Variants in NGEF observed in about 807,000 individuals in gnomAD.
NGEF encodes the protein ephexin-1.
Under a neutral mutation model 80.9 loss-of-function variants are expected in NGEF, and 31 were observed. That is an observed-to-expected ratio of 0.38 (90% CI 0.29 to 0.52). The LOEUF is 0.52. Among genes scored for constraint, NGEF ranks in the 20% least tolerant of loss-of-function variants. The pLI, the probability that NGEF is intolerant of heterozygous loss-of-function variation, is 0.84. For synonymous variants in NGEF, 371 were observed against 370.2 expected (o/e 1.00, Z -0.03); for missense variants, 709 against 926.2 (o/e 0.77, Z 3.04).
intron 4 of NGEF, among the ~76,000 whole-genome samples, chr2:232,926,196 T>G (rs1159159613): frequency 1.3e-5 from 2 of 152,218 alleles, no homozygotes; most frequent in African/African-American, 4.8e-5. Context: ...GAATTTTTAT[T>G]TAACAGATAG....
chr2:233,002,371 T>C (rs1327082420), intron 1 of NGEF, among the ~76,000 whole-genome samples: 2 of 152,112 alleles, frequency 1.3e-5, no homozygotes, highest in African/African-American at 4.8e-5. Flanking sequence ...AGGCAGTACA[T>C]GGACATGTTA....
chr2:232,900,136 TCACA>T lies in NGEF; in HGVS notation c.829-5224_829-5221del, dbSNP rs61725832. Among the ~76,000 whole-genome samples, 527 of 78,818 alleles carry T rather than the reference TCACA, an allele frequency of 6.7e-3. 43 individuals are homozygous for T. The highest frequency in any genetic ancestry group is 0.037 in the Admixed American group (299 of 8,044). 51.7% of individuals were successfully genotyped at this position (78,818 alleles called of 152,430 possible). A position where few individuals can be genotyped will look rare whatever the true frequency, so the allele number is the denominator to read the frequency against. ...CTCATATACACGTTCACTCACATTC[TCACA>T]CACACACGCTCACAGTCACTCATAT... On this transcript the variant is annotated intron_variant, in intron 5 of 14. Coordinates refer to ENST00000264051, the MANE Select transcript of NGEF (RefSeq NM_019850.3).
At chr2:232,942,516 G>A (rs1445344445) in intron 3 of NGEF, among the ~76,000 whole-genome samples, 1 of 152,096 alleles carries the variant, frequency 6.6e-6, no homozygotes, top group Non-Finnish European at 1.5e-5. Flanking sequence ...ACTTATTAAC[G>A]TAAATCTCTC....
chr2:232,926,905 T>C, intron 4 of NGEF, 139 bp downstream of exon 4: 5 of 1,104,782 alleles, frequency 4.5e-6, no homozygotes, highest in Non-Finnish European at 6.6e-6. Context: ...GAGCCAAACA[T>C]GTCAAAAGCT....
rs1694747961 is a variant in NGEF at position 232,994,958 on chromosome 2, T to C, written c.-75+18110A>G. 3.5e-5 allele frequency among the ~76,000 whole-genome samples: 4 copies of C among 115,748 alleles called. No individual in the cohort carries two copies. In the Admixed American group the frequency reaches 3.8e-4, roughly 11 times the overall value. 75.9% of individuals were successfully genotyped at this position (115,748 alleles called of 152,430 possible). A position where few individuals can be genotyped will look rare whatever the true frequency, so the allele number is the denominator to read the frequency against. On this transcript the variant is annotated intron_variant, in intron 1 of 14. Transcript: ENST00000264051. ...TATATACACACATATAATACATACATATGTATTATATGTACATATACATAT... is the reference window on the plus strand; with the variant it reads ...TATATACACACATATAATACATACACATGTATTATATGTACATATACATAT...
chr2:232,890,069 G>A (rs1436169068), intron 8 of NGEF, among the ~76,000 whole-genome samples: 1 of 150,698 alleles, frequency 6.6e-6, no homozygotes, highest in Non-Finnish European at 1.5e-5. Context: ...CCTGTCAGGT[G>A]GAGGGGGTCT....
chr2:232,884,348 G>A (rs1329203032), intron 10 of NGEF, among the ~76,000 whole-genome samples: 1 of 152,228 alleles, frequency 6.6e-6, no homozygotes, highest in African/African-American at 2.4e-5. Flanking sequence ...GCACCCCTGT[G>A]GGCATGAGTG....
rs898934626 is a variant in NGEF, at chr2:232,995,692, T to C, written c.-75+17376A>G. 1.3e-4 allele frequency among the ~76,000 whole-genome samples: 19 copies of C among 141,810 alleles called. 1 individual carries two copies. The highest frequency in any genetic ancestry group is 2.3e-4 in the Non-Finnish European group (15 of 65,954). 93.0% of individuals were successfully genotyped at this position (141,810 alleles called of 152,430 possible). A position where few individuals can be genotyped will look rare whatever the true frequency, so the allele number is the denominator to read the frequency against. On this transcript the variant is annotated intron_variant, in intron 1 of 14. Transcript: ENST00000264051. ...TATATATGTATTATATATATTATAGTGTATGTATTATATGTGTATATACAT... is the reference window on the plus strand; with the variant it reads ...TATATATGTATTATATATATTATAGCGTATGTATTATATGTGTATATACAT...
rs757072044 is a variant in NGEF, at chr2:232,974,638, C to T, written c.253G>A (p.Ala85Thr). ...TGATACTGACCTGCCAGGCAGCTGG[C>T]GTTCCGTTCGGGGTTGTCTCTGGCC... ...AKARDNPERN[A>T]SCLADSQDNG... The change falls in exon 2 of 15, where the codon GCC (alanine) becomes ACC (threonine). Residue 85 changes from alanine (A) to threonine (T), a missense_variant. Ala to Thr is a moderately conservative substitution (Grantham distance 58). This residue lies in a region of NGEF where 283 missense variants were observed against 303.4 expected (regional missense o/e 0.93). Transcript: ENST00000264051. 1.4e-5 allele frequency: 22 copies of T among 1,613,820 alleles called. No homozygotes were observed. Among genetic ancestry groups the T allele is most frequent in the South Asian group, 2.2e-5 (2 of 91,042 alleles).
chr2:232,892,526 G>A lies in NGEF; in HGVS notation c.1142+372C>T, dbSNP rs1036486362. Reference sequence around the variant, plus strand: ...TTCCCATCCTGTCCCTGCCCTTGTCGCTAGTTCAAGCCCCGTCTCTGATGT... The same window carrying A: ...TTCCCATCCTGTCCCTGCCCTTGTCACTAGTTCAAGCCCCGTCTCTGATGT... On this transcript the variant is annotated intron_variant, in intron 7 of 14. Coordinates refer to ENST00000264051, the MANE Select transcript of NGEF (RefSeq NM_019850.3). The surrounding 1 kb of genome is among the most constrained non-coding windows in gnomAD (Gnocchi z 4.0). Among the ~76,000 whole-genome samples, 15 of 152,262 alleles carry A rather than the reference G, an allele frequency of 9.9e-5. No homozygotes were observed. The East Asian group carries it at 2.3e-3, about 24-fold the overall frequency.
intron 3 of NGEF, among the ~76,000 whole-genome samples, chr2:232,956,612 C>T (rs1296688775): frequency 1.3e-5 from 2 of 151,686 alleles, no homozygotes; most frequent in African/African-American, 2.4e-5. Context: ...ACTAAAAATA[C>T]GAAAAGTAGC....
chr2:232,946,499 T>C (rs1267620870), intron 3 of NGEF, among the ~76,000 whole-genome samples: 1 of 152,178 alleles, frequency 6.6e-6, no homozygotes, highest in Non-Finnish European at 1.5e-5. Flanking sequence ...CTGTATTGGA[T>C]TGGAATTAGG....
chr2:232,943,117 T>C (rs1057286285), intron 3 of NGEF, among the ~76,000 whole-genome samples: 1 of 152,144 alleles, frequency 6.6e-6, no homozygotes, highest in African/African-American at 2.4e-5. Context: ...CTTCTCTGTT[T>C]AGCTTTGGCT....
chr2:232,988,477 G>C (rs72980022), intron 1 of NGEF, among the ~76,000 whole-genome samples: 1 of 152,128 alleles, frequency 6.6e-6, no homozygotes, highest in Non-Finnish European at 1.5e-5. Flanking sequence ...TTTGAAGAGT[G>C]ATTGGTGCAG....
rs543404306 is a variant in NGEF at position 232,920,541 on chromosome 2, T to G, written c.571A>C (p.Ile191Leu). ...GCATCCTGTTGCCTCCTGGTTTCGA[T>G]TTCTTGGAGAGTCGATTTATCTCGG... ...EYRDKSTLQEIETRRQQDAEI... is the reference protein window; with the variant it reads ...EYRDKSTLQELETRRQQDAEI... Residue 191 changes from isoleucine to leucine, a missense_variant, in exon 5 of 15, where the codon ATC becomes CTC. Around this residue, in one of 2 missense-constraint regions of NGEF, gnomAD observed 283 missense variants for 303.4 expected, o/e 0.93. Transcript: ENST00000264051. 1 of 1,552,888 alleles carries G rather than the reference T, an allele frequency of 6.4e-7. No individual in the cohort carries two copies. The highest frequency in any genetic ancestry group is 8.7e-7 in the Non-Finnish European group (1 of 1,147,514).
intron 5 of NGEF, chr2:232,905,837 C>T (rs1473110275): frequency 3.6e-6 from 1 of 281,380 alleles, no homozygotes; most frequent in African/African-American, 2.4e-5. Context: ...GGCTGCCACC[C>T]CGTCTGGGAA....
chr2:232,976,367 C>T (rs1694293831), intron 1 of NGEF, among the ~76,000 whole-genome samples: 1 of 152,164 alleles, frequency 6.6e-6, no homozygotes, highest in Non-Finnish European at 1.5e-5. Flanking sequence ...ACTCCTCTTC[C>T]TCCACAGTCC....
intron 3 of NGEF, among the ~76,000 whole-genome samples, chr2:232,950,953 G>A (rs754892196): frequency 3.9e-5 from 6 of 152,172 alleles, no homozygotes; most frequent in African/African-American, 9.7e-5. Context: ...TATTCAATGC[G>A]TGGCTATTAA....
chr2:232,904,479 T>G (rs1376660161), intron 5 of NGEF, among the ~76,000 whole-genome samples: 1 of 152,168 alleles, frequency 6.6e-6, no homozygotes, highest in Non-Finnish European at 1.5e-5. Flanking sequence ...TCCACCTGCT[T>G]TGGTCTCCCA....
Sources: gnomAD v4.1 joint callset for allele counts (sites outside exome capture counted in the v4.1 genomes callset) on GRCh38, gnomAD v4.1.1 for gene constraint, gnomAD v4.1.1 regional missense constraint, Gnocchi (gnomAD v3.1) non-coding constraint, MANE v1.5 for transcripts, NCBI Gene and HGNC (gene_info 2026-07-23, HGNC 2026-07-21) for gene names.